Variants in EPPK1 observed in about 807,000 individuals in gnomAD.
EPPK1 encodes the protein epiplakin.
For synonymous variants in EPPK1, 1,862 were observed against 1,721.2 expected (o/e 1.08, Z -2.03); for missense variants, 3,823 against 3,673.3 (o/e 1.04, Z -1.05).
chr8:143,867,721 T>A lies in EPPK1; in HGVS notation c.5533A>T (p.Ile1845Phe). ...TCCCCTCTGATGGCCGCCACTTTGA[T>A]GCCTTGGTTTTGCGTCTCTGTTTCT... is the stretch of plus-strand genomic sequence containing the variant. ...IEETETQNQG[I>F]KVAAIRGEVT... Residue 1845 changes from isoleucine to phenylalanine, a missense_variant, in exon 2 of 2, where the codon ATC becomes TTC. Transcript: ENST00000615648. The A allele has an allele frequency of 1.2e-6, 2 of 1,613,784 alleles. No homozygotes were observed. Among genetic ancestry groups the A allele is most frequent in the Non-Finnish European group, 1.7e-6 (2 of 1,179,872 alleles).
At position 143,857,992 on chromosome 8, in the gene EPPK1, G is replaced by T; in HGVS notation, c.15262C>A (p.Gln5088Lys). 6.3e-7 allele frequency: 1 copy of T among 1,599,484 alleles called. No individual in the cohort carries two copies. Among genetic ancestry groups the T allele is most frequent in the Non-Finnish European group, 8.5e-7 (1 of 1,171,518 alleles). ...ACTGCACGGAGGAAGCCCAGTCACT[G>T]TAGAGAGAGAGAAAGAAATAGGAGC... ...TGLLFLSLSL[Q>K] Residue 5088 changes from glutamine to lysine, a missense_variant, in exon 2 of 2, where the codon CAG becomes AAG. Transcript: ENST00000615648.
chr8:143,869,906 T>C lies in EPPK1; in HGVS notation c.3348A>G (p.Pro1116=). 6.2e-7 allele frequency: 1 copy of C among 1,609,208 alleles called. No homozygotes were observed. The highest frequency in any genetic ancestry group is 8.5e-7 in the Non-Finnish European group (1 of 1,178,398). ...CGGTGGGGAGGGCAGGAGCACTTTC[T>C]GGCAGGGGCAGGAGGTGAAGGCCAG... ...ETSGLHLLPL[P]ESAPALPTEE... The change falls in exon 2 of 2, where the codon CCA becomes CCG. Residue 1116 remains proline, a synonymous_variant. Transcript: ENST00000615648.
At position 143,857,834 on chromosome 8, in the gene EPPK1, A is replaced by C; in HGVS notation, c.*153T>G. ...TGGACAAAGGAAAAGTTTCTGTCAC[A>C]TGACAACTTAAAACGTTTTCCACAG... On this transcript the variant is annotated 3_prime_UTR_variant, in exon 2 of 2. Coordinates refer to ENST00000615648, the MANE Select transcript of EPPK1 (RefSeq NM_031308.4). 1.6e-6 allele frequency: 1 copy of C among 608,172 alleles called. No individual in the cohort carries two copies. The highest frequency in any genetic ancestry group is 2.6e-6 in the Non-Finnish European group (1 of 380,470). 37.7% of individuals were successfully genotyped at this position (608,172 alleles called of 1,614,324 possible). A position where few individuals can be genotyped will look rare whatever the true frequency, so the allele number is the denominator to read the frequency against.
At position 143,871,956 on chromosome 8, in the gene EPPK1, G is replaced by T; in HGVS notation, c.1298C>A (p.Ser433Ter). 6.3e-7 allele frequency: 1 copy of T among 1,598,928 alleles called. No homozygotes were observed. Among genetic ancestry groups the T allele is most frequent in the Non-Finnish European group, 8.5e-7 (1 of 1,177,568 alleles). Residue 433 changes from serine (S) to a stop codon, truncating the protein, a stop_gained, in exon 2 of 2, where the codon TCG (serine) becomes TAG (stop). Transcript: ENST00000615648. LOFTEE classifies it low-confidence loss of function (END_TRUNC). ...GCCGTCTGAGAAGCTGCCAGCCTGC[G>T]AGAGCTGCCGCTGAGTGTCTTCATC... The part of the protein sequence containing the change: ...CLDEDTQRQL[S>*]QAGSFSDGTH...
Position 143,870,968 on chromosome 8 carries a change from G to A in EPPK1, c.2286C>T (p.Asp762=), listed in dbSNP as rs782728583. 1.7e-5 allele frequency: 28 copies of A among 1,613,370 alleles called. No individual in the cohort carries two copies. In the East Asian group the frequency reaches 2.5e-4, roughly 14 times the overall value. Residue 762 remains aspartate (D), a synonymous_variant, in exon 2 of 2, where the codon GAC becomes GAT. Transcript: ENST00000615648. The surrounding 1 kb of genome is among the most constrained non-coding windows in gnomAD (Gnocchi z 5.2). ...TGGGGTCGAAGAAGCCCTTGGTGTC[G>A]TCAGAAGGGTCCAACAGGATCAAGT... ...MLNLILLDPS[D]DTKGFFDPNT...
chr8:143,875,958 C>T (rs1251113155), intron 1 of EPPK1, among the ~76,000 whole-genome samples: 11 of 152,282 alleles, frequency 7.2e-5, no homozygotes, highest in African/African-American at 2.6e-4. Context: ...CCCCCACCCC[C>T]CACTGACCTA....
At position 143,869,370 on chromosome 8, in the gene EPPK1, T is replaced by C. The variant is rs782198397; in HGVS notation, c.3884A>G (p.Asn1295Ser). The change falls in exon 2 of 2, where the codon AAC becomes AGC. Residue 1295 changes from asparagine to serine, a missense_variant. Physicochemically the swap from Asn to Ser is conservative, Grantham distance 46. Transcript: ENST00000615648. ...ASGFLVDPLN[N>S]QRLSVEDAVK... is the part of the protein sequence containing the mutation. ...CGCGTCCTCCACTGACAGTCTCTGG[T>C]TGTTCAGGGGGTCAACAAGGAAGCC... 9.3e-6 allele frequency: 15 copies of C among 1,610,844 alleles called. No homozygotes were observed. The highest frequency in any genetic ancestry group is 1.3e-5 in the Non-Finnish European group (15 of 1,179,134).
rs544179184 is a variant in EPPK1 at position 143,871,491 on chromosome 8, T to C, written c.1763A>G (p.His588Arg). 6.2e-7 allele frequency: 1 copy of C among 1,609,614 alleles called. No homozygotes were observed. Among genetic ancestry groups the C allele is most frequent in the South Asian group, 1.1e-5 (1 of 90,510 alleles). The change falls in exon 2 of 2, where the codon CAT (histidine) becomes CGT (arginine). Residue 588 changes from histidine to arginine, a missense_variant. His to Arg is a conservative substitution (Grantham distance 29). Coordinates refer to ENST00000615648, the MANE Select transcript of EPPK1 (RefSeq NM_031308.4). Reference protein sequence around the residue: ...IDQDLYERLEHGQATAKDVGS... With the variant: ...IDQDLYERLERGQATAKDVGS... ...CACATCCTTGGCTGTGGCCTGTCCA[T>C]GCTCCAGCCGCTCGTACAGGTCCTG...
Position 143,876,177 on chromosome 8 carries a change from G to A in EPPK1, c.-46+2261C>T, listed in dbSNP as rs78688603. Among the ~76,000 whole-genome samples the A allele has an allele frequency of 6.6e-5, 10 of 152,278 alleles. No individual in the cohort carries two copies. In the East Asian group the frequency reaches 1.5e-3, roughly 23 times the overall value. ...GGGACAGGCCTGAGCACCAGGAGGC[G>A]GCACCACAGGGGCAGACAGGGTGCA... On this transcript the variant is annotated intron_variant, in intron 1 of 1. Coordinates refer to ENST00000615648, the MANE Select transcript of EPPK1 (RefSeq NM_031308.4).
At position 143,867,480 on chromosome 8, in the gene EPPK1, G is replaced by A. The variant is rs1554659494; in HGVS notation, c.5774C>T (p.Ala1925Val). Residue 1925 changes from alanine to valine, a missense_variant, in exon 2 of 2, where the codon GCA (alanine) becomes GTA (valine). By Grantham distance (64) the Ala-to-Val change is moderately conservative. Transcript: ENST00000615648. Reference sequence around the variant, plus strand: ...CGCCTCCAGCAGCCAAGTCGCAAATGCTGCAGGGATGAGCTCCTTCCTGCT... The same window carrying A: ...CGCCTCCAGCAGCCAAGTCGCAAATACTGCAGGGATGAGCTCCTTCCTGCT... Reference protein sequence around the residue: ...EASRKELIPAAFATWLLEAQA... With the variant: ...EASRKELIPAVFATWLLEAQA... 1 of 1,612,526 alleles carries A rather than the reference G, an allele frequency of 6.2e-7. No homozygotes were observed. The highest frequency in any genetic ancestry group is 1.1e-5 in the South Asian group (1 of 91,076).
chr8:143,871,797 C>A lies in EPPK1; in HGVS notation c.1457G>T (p.Ser486Ile). The A allele has an allele frequency of 6.2e-7, 1 of 1,612,122 alleles. No homozygotes were observed. Among genetic ancestry groups the A allele is most frequent in the Non-Finnish European group, 8.5e-7 (1 of 1,179,692 alleles). Residue 486 changes from serine (S) to isoleucine (I), a missense_variant, in exon 2 of 2, where the codon AGC (serine) becomes ATC (isoleucine). By Grantham distance (142) the Ser-to-Ile change is moderately radical. Coordinates refer to ENST00000615648, the MANE Select transcript of EPPK1 (RefSeq NM_031308.4). Reference protein sequence around the residue: ...EPQGPPFIKYSTRQALSTATA... With the variant: ...EPQGPPFIKYITRQALSTATA... ...GGCCGTGCTCAGGGCCTGCCGAGTG[C>A]TGTACTTGATGAATGGGGGTCCCTG...
chr8:143,872,987 CCGGG>C lies in EPPK1; in HGVS notation c.263_266del (p.Ala88GlyfsTer20). 6.3e-7 allele frequency: 1 copy of C among 1,585,454 alleles called. No homozygotes were observed. On this transcript the variant is annotated frameshift_variant, in exon 2 of 2. Coordinates refer to ENST00000615648, the MANE Select transcript of EPPK1 (RefSeq NM_031308.4). LOFTEE classifies it low-confidence loss of function (END_TRUNC). ...CCTTGGACACAGGGAGCAGCTGGCC[CCGGG>C]CGAGGTCCACCAGGCCCCCAGTGGC...
Position 143,871,557 on chromosome 8 carries a change from G to C in EPPK1, c.1697C>G (p.Thr566Ser), listed in dbSNP as rs1554661214. ...ARVTFSGLRD[T>S]VTPGELLKAE... ...TTTCAGCAGCTCTCCTGGTGTCACG[G>C]TGTCCCTCAGCCCAGAAAAGGTGAC... is the stretch of plus-strand genomic sequence containing the variant. The change falls in exon 2 of 2, where the codon ACC becomes AGC. Residue 566 changes from threonine (T) to serine (S), a missense_variant. Transcript: ENST00000615648. 6.2e-7 allele frequency: 1 copy of C among 1,609,746 alleles called. No individual in the cohort carries two copies. Among genetic ancestry groups the C allele is most frequent in the East Asian group, 2.2e-5 (1 of 44,798 alleles).
In EPPK1 at chr8:143,869,556, G is replaced by A; in HGVS notation, c.3698C>T (p.Ala1233Val). Reference sequence around the variant, plus strand: ...GCAGGCCTTCACCGCCGGCTGCTCGGCGACCTGGGCGGGCGACTGCGTGCC... The same window carrying A: ...GCAGGCCTTCACCGCCGGCTGCTCGACGACCTGGGCGGGCGACTGCGTGCC... ...AQGTQSPAQV[A>V]EQPAVKACLW... Residue 1233 changes from alanine (A) to valine (V), a missense_variant, in exon 2 of 2, where the codon GCC becomes GTC. Physicochemically the swap from Ala to Val is moderately conservative, Grantham distance 64. Coordinates refer to ENST00000615648, the MANE Select transcript of EPPK1 (RefSeq NM_031308.4). 1 of 1,558,232 alleles carries A rather than the reference G, an allele frequency of 6.4e-7. No homozygotes were observed. Among genetic ancestry groups the A allele is most frequent in the South Asian group, 1.2e-5 (1 of 86,026 alleles).
Position 143,869,089 on chromosome 8 carries a change from T to C in EPPK1, c.4165A>G (p.Thr1389Ala). The C allele has an allele frequency of 6.2e-7, 1 of 1,607,484 alleles. No individual in the cohort carries two copies. Among genetic ancestry groups the C allele is most frequent in the East Asian group, 2.2e-5 (1 of 44,870 alleles). The change falls in exon 2 of 2, where the codon ACG becomes GCG. Residue 1389 changes from threonine to alanine, a missense_variant. By Grantham distance (58) the Thr-to-Ala change is moderately conservative. Coordinates refer to ENST00000615648, the MANE Select transcript of EPPK1 (RefSeq NM_031308.4). Reference sequence around the variant, plus strand: ...TCAACTGCAGTCAGCACCTGGCTCGTCTGTGTGTCCAGAAGGCCGAGTCTG... The same window carrying C: ...TCAACTGCAGTCAGCACCTGGCTCGCCTGTGTGTCCAGAAGGCCGAGTCTG... ...ACRLGLLDTQ[T>A]SQVLTAVDKD... is the part of the protein sequence containing the mutation.
At position 143,868,120 on chromosome 8, in the gene EPPK1, C is replaced by T. The variant is rs374991759; in HGVS notation, c.5134G>A (p.Glu1712Lys). ...TCCGCCAGGATGCGGTTCATCTCCT[C>T]GTCGAAGTAGCCGCAGCGGTAGGCC... ...DVAYRCGYFDEEMNRILADPS... is the reference protein window; with the variant it reads ...DVAYRCGYFDKEMNRILADPS... The change falls in exon 2 of 2, where the codon GAG becomes AAG. Residue 1712 changes from glutamate to lysine, a missense_variant. Transcript: ENST00000615648. The T allele has an allele frequency of 3.1e-5, 50 of 1,613,180 alleles. No individual in the cohort carries two copies. The highest frequency in any genetic ancestry group is 1.2e-4 in the African/African-American group (9 of 74,930).
Position 143,870,084 on chromosome 8 carries a change from T to C in EPPK1, c.3170A>G (p.His1057Arg). Residue 1057 changes from histidine to arginine, a missense_variant, in exon 2 of 2, where the codon CAC becomes CGC. By Grantham distance (29) the His-to-Arg change is conservative. Transcript: ENST00000615648. The surrounding 1 kb of genome is among the most constrained non-coding windows in gnomAD (Gnocchi z 5.2). Reference sequence around the variant, plus strand: ...CTGAATGGCCACTGGCATGGGGAGGTGGTGGTGGCTGGTGGGGTCAATGAT... The same window carrying C: ...CTGAATGGCCACTGGCATGGGGAGGCGGTGGTGGCTGGTGGGGTCAATGAT... ...GGIIDPTSHH[H>R]LPMPVAIQRG... is the part of the protein sequence containing the mutation. 2 of 1,608,376 alleles carry C rather than the reference T, an allele frequency of 1.2e-6. No homozygotes were observed. The highest frequency in any genetic ancestry group is 8.5e-7 in the Non-Finnish European group (1 of 1,178,214).
chr8:143,878,380 CACCCGCCGCACCTGCCCGCACCCG>C, intron 1 of EPPK1, 34 bp downstream of exon 1: 1 of 142,596 alleles, frequency 7.0e-6, no homozygotes, highest in South Asian at 2.0e-4. Context: ...CACCTGCCCG[CACCCGCCGCACCTGCCCGCACCCG>C]CCGCACCCGC....
chr8:143,859,382 G>A lies in EPPK1; in HGVS notation c.13872C>T (p.Leu4624=). 2.9e-6 allele frequency: 1 copy of A among 346,768 alleles called. No homozygotes were observed. The highest frequency in any genetic ancestry group is 5.0e-6 in the Non-Finnish European group (1 of 198,600). 21.5% of individuals were successfully genotyped at this position (346,768 alleles called of 1,614,324 possible). Residue 4624 remains leucine, a synonymous_variant, in exon 2 of 2, where the codon CTC becomes CTT. Transcript: ENST00000615648. ...TLTVEELGAT[L]TSLLAQAQAQ... ...CCTGGGCCTGGGCCAGCAGCGAGGT[G>A]AGGGTGGCGCCCAGCTCCTCCACGG...
Sources: gnomAD v4.1 joint callset for allele counts (sites outside exome capture counted in the v4.1 genomes callset) on GRCh38, gnomAD v4.1.1 for gene constraint, Gnocchi (gnomAD v3.1) non-coding constraint, MANE v1.5 for transcripts, NCBI Gene and HGNC (gene_info 2026-07-23, HGNC 2026-07-21) for gene names.